The following SPAG9 variants were observed in gnomAD, a reference collection of about 807,000 sequenced individuals.
The protein encoded by SPAG9 is C-Jun-amino-terminal kinase-interacting protein 4.
SPAG9 carries 35 observed loss-of-function variants against 166.5 expected under a neutral mutation model. That is an observed-to-expected ratio of 0.21 (90% CI 0.16 to 0.28). The LOEUF is 0.28. SPAG9 is among the 10% of genes least tolerant of loss of function. The pLI, the probability that SPAG9 is intolerant of heterozygous loss-of-function variation, is 1.00. For missense variants in SPAG9, 1,235 were observed against 1,603.3 expected (o/e 0.77, Z 3.92); for synonymous variants, 534 against 565.5 (o/e 0.94, Z 0.79).
chr17:50,995,695 T>A, intron 16 of SPAG9, 162 bp from the exon 17 acceptor site: 1 of 601,728 alleles, frequency 1.7e-6, no homozygotes, highest in East Asian at 2.8e-5. Flanking sequence ...ACAGGGTCGC[T>A]CTACTGCCCA....
chr17:51,039,434 T>C (rs915680773), intron 5 of SPAG9, among the ~76,000 whole-genome samples: 3 of 152,134 alleles, frequency 2.0e-5, no homozygotes, highest in African/African-American at 4.8e-5. Context: ...TCCCAACTAG[T>C]AACATGATTT....
rs59425720 is a variant in SPAG9 at position 51,088,114 on chromosome 17, C to T, written c.304-8410G>A. ...TGTCTGCCTTCTACTTCTATAATTT[C>T]CACTTAACACACTAACTGAGATAAC... On this transcript the variant is annotated intron_variant, in intron 1 of 29. Coordinates refer to ENST00000262013, the MANE Select transcript of SPAG9 (RefSeq NM_001130528.3). 5.1e-3 allele frequency among the ~76,000 whole-genome samples: 779 copies of T among 152,232 alleles called. 5 individuals carry two copies. The highest frequency in any genetic ancestry group is 0.018 in the African/African-American group (733 of 41,526).
intron 1 of SPAG9, among the ~76,000 whole-genome samples, chr17:51,101,020 A>T (rs1269925065): frequency 6.6e-6 from 1 of 152,134 alleles, no homozygotes; most frequent in Non-Finnish European, 1.5e-5. Context: ...GACTATTTTC[A>T]CAGAGAAACC....
intron 2 of SPAG9, among the ~76,000 whole-genome samples, chr17:51,060,794 G>A (rs890759077): frequency 4.0e-5 from 6 of 151,688 alleles, no homozygotes; most frequent in South Asian, 2.1e-4. Context: ...TTGTTATGGC[G>A]GCCCTAGCTG....
chr17:50,970,524 A>AG (rs1431020030), intron 29 of SPAG9, among the ~76,000 whole-genome samples, 183 bp downstream of exon 29: 2 of 151,910 alleles, frequency 1.3e-5, no homozygotes, highest in Non-Finnish European at 2.9e-5. Context: ...AAAAAAAAAA[A>AG]AAAAGAAAGA....
At chr17:51,088,676 T>TAG (rs1343309059) in intron 1 of SPAG9, among the ~76,000 whole-genome samples, 2 of 152,124 alleles carry the variant, frequency 1.3e-5, no homozygotes, top group African/African-American at 4.8e-5. Context: ...CGGGCGCCTG[T>TAG]AGTCCCAGCT....
At chr17:51,119,206 T>G (rs149294216) in intron 1 of SPAG9, among the ~76,000 whole-genome samples, 69 of 152,252 alleles carry the variant, frequency 4.5e-4, no homozygotes, top group African/African-American at 1.6e-3. Context: ...AAAACAAAAA[T>G]TTAATGGTGT....
chr17:51,030,973 G>A (rs1044580997), intron 6 of SPAG9: 1 of 149,986 alleles, frequency 6.7e-6, no homozygotes, highest in Non-Finnish European at 1.5e-5. Flanking sequence ...GGAAGGCAGT[G>A]GCACCATCTT....
In SPAG9 at chr17:51,114,808, C is replaced by T. The variant is rs535931204; in HGVS notation, c.303+5546G>A. Among the ~76,000 whole-genome samples, 25 of 151,846 alleles carry T rather than the reference C, an allele frequency of 1.6e-4. No individual in the cohort carries two copies. The South Asian group carries it at 4.6e-3, about 28-fold the overall frequency. On this transcript the variant is annotated intron_variant, in intron 1 of 29. Transcript: ENST00000262013. ...CTCTACTGAAAATACAAAAATTAGC[C>T]GGGTGTAGTGGTGCACACCTGTAAT...
In SPAG9 at chr17:51,120,649, A is replaced by C; in HGVS notation, c.8T>G (p.Leu3Arg). 1 of 1,601,950 alleles carries C rather than the reference A, an allele frequency of 6.2e-7. No individual in the cohort carries two copies. Among genetic ancestry groups the C allele is most frequent in the Non-Finnish European group, 8.5e-7 (1 of 1,174,610 alleles). Residue 3 changes from leucine to arginine, a missense_variant, in exon 1 of 30, where the codon CTG (leucine) becomes CGG (arginine). Transcript: ENST00000262013. This position sits in a 1 kb window ranked among gnomAD's most constrained non-coding sequence, Gnocchi z 4.7. ME[L>R]EDGVVYQEEP... Reference sequence around the variant, plus strand: ...CTCCTGATACACCACACCGTCCTCCAGCTCCATGGTGGCAAGCGGACGGGC... The same window carrying C: ...CTCCTGATACACCACACCGTCCTCCCGCTCCATGGTGGCAAGCGGACGGGC...
chr17:51,062,925 C>A (rs1318774923), intron 2 of SPAG9, among the ~76,000 whole-genome samples: 1 of 152,090 alleles, frequency 6.6e-6, no homozygotes, highest in Non-Finnish European at 1.5e-5. Flanking sequence ...CAGTTTATTT[C>A]TTTTTAGCAC....
intron 12 of SPAG9, 22 bp from the exon 13 acceptor site, chr17:51,001,867 A>G (rs757793368): frequency 1.9e-6 from 3 of 1,605,912 alleles, no homozygotes; most frequent in South Asian, 1.1e-5. Flanking sequence ...AGAAAATGAC[A>G]TATCATTCTG....
rs2048020759 is a variant in SPAG9 at position 51,077,053 on chromosome 17, G to GCTAGCTAGCTATCTATCTAGCTAT, written c.424+2530_424+2531insATAGCTAGATAGATAGCTAGCTAG. ...ATCTATCTAGCTATCTAGCTATCTA[G>GCTAGCTAGCTATCTATCTAGCTAT]CTAGCTATCTAGCTAGCTATCTAGC... On this transcript the variant is annotated intron_variant, in intron 2 of 29. Transcript: ENST00000262013. Among the ~76,000 whole-genome samples the GCTAGCTAGCTATCTATCTAGCTAT allele has an allele frequency of 1.4e-3, 153 of 112,796 alleles. 1 individual carries two copies. Among genetic ancestry groups the GCTAGCTAGCTATCTATCTAGCTAT allele is most frequent in the Admixed American group, 9.9e-3 (115 of 11,608 alleles). 74.0% of individuals were successfully genotyped at this position (112,796 alleles called of 152,430 possible). A position where few individuals can be genotyped will look rare whatever the true frequency, so the allele number is the denominator to read the frequency against.
chr17:51,053,011 A>C (rs929972766), intron 3 of SPAG9, among the ~76,000 whole-genome samples: 6 of 152,062 alleles, frequency 3.9e-5, no homozygotes, highest in African/African-American at 1.4e-4. Context: ...GTGAGCCAAG[A>C]TCACTCCAGC....
At chr17:51,026,010 G>A (rs1291849055) in intron 6 of SPAG9, among the ~76,000 whole-genome samples, 1 of 152,128 alleles carries the variant, frequency 6.6e-6, no homozygotes, top group Non-Finnish European at 1.5e-5. Flanking sequence ...AGAGAATATT[G>A]AGTTCATCTA....
At chr17:51,065,753 G>C (rs369091095) in intron 2 of SPAG9, among the ~76,000 whole-genome samples, 2 of 152,288 alleles carry the variant, frequency 1.3e-5, no homozygotes, top group East Asian at 1.9e-4. Flanking sequence ...TATAGCCACT[G>C]AAGTAGTAGT....
chr17:51,093,891 C>T (rs560483032), intron 1 of SPAG9, among the ~76,000 whole-genome samples: 21 of 152,054 alleles, frequency 1.4e-4, no homozygotes, highest in African/African-American at 5.1e-4. Context: ...CTTGCTCACC[C>T]ACACAGGAAA....
chr17:51,102,474 A>C (rs2144741677), intron 1 of SPAG9, among the ~76,000 whole-genome samples: 1 of 151,986 alleles, frequency 6.6e-6, no homozygotes, highest in Admixed American at 6.6e-5. Flanking sequence ...AGTTAAAATT[A>C]AGTTTTGGCA....
At chr17:51,049,622 T>C (rs763288445) in intron 3 of SPAG9, among the ~76,000 whole-genome samples, 5 of 152,178 alleles carry the variant, frequency 3.3e-5, no homozygotes, top group Non-Finnish European at 7.3e-5. Flanking sequence ...AAAACTGCAG[T>C]GAACCATGAG....
Sources: allele counts gnomAD v4.1 joint callset (sites outside exome capture counted in the v4.1 genomes callset), GRCh38; gene constraint gnomAD v4.1.1; non-coding constraint Gnocchi (gnomAD v3.1); transcripts MANE v1.5; gene names NCBI Gene and HGNC (gene_info 2026-07-23, HGNC 2026-07-21).